PYCR1: variants seen among roughly 807,000 people sequenced by gnomAD.
PYCR1 encodes pyrroline-5-carboxylate reductase 1.
A neutral mutation model predicts 22.9 loss-of-function variants in PYCR1; 19 were observed. That is an observed-to-expected ratio of 0.83 (90% CI 0.58 to 1.22). The LOEUF is 1.22. Ranked by LOEUF, PYCR1 falls within the 50% of genes most tolerant of loss-of-function variation. The pLI is 0.00. For missense variants in PYCR1, 429 were observed against 431.3 expected (o/e 0.99, Z 0.05); for synonymous variants, 175 against 180.5 (o/e 0.97, Z 0.24).
rs2041032512 is a variant in PYCR1 at position 81,933,043 on chromosome 17, A to C, written c.*171T>G. ...CTGTTCTGGGCTGGGAAGCACTTGCAGACCACAGAGATTTCCAGTGGGAAG... is the reference window on the plus strand; with the variant it reads ...CTGTTCTGGGCTGGGAAGCACTTGCCGACCACAGAGATTTCCAGTGGGAAG... On this transcript the variant is annotated 3_prime_UTR_variant, in exon 7 of 7. Coordinates refer to ENST00000329875, the MANE Select transcript of PYCR1 (RefSeq NM_006907.4). The C allele has an allele frequency of 1.3e-6, 2 of 1,577,032 alleles. No individual in the cohort carries two copies. The highest frequency in any genetic ancestry group is 2.3e-5 in the South Asian group (2 of 87,666).
intron 6 of PYCR1, 46 bp from the exon 7 acceptor site, chr17:81,933,422 CAGGA>C (rs1308570820): frequency 6.2e-7 from 1 of 1,607,754 alleles, no homozygotes; most frequent in South Asian, 1.1e-5. Context: ...AGCGTGCACC[CAGGA>C]AGAGGGAGTG....
At chr17:81,934,559 G>T (rs1260462642) in intron 5 of PYCR1, 70 bp from the exon 6 acceptor site, 3 of 1,557,608 alleles carry the variant, frequency 1.9e-6, no homozygotes, top group Non-Finnish European at 2.6e-6. Context: ...CCCAGCCACT[G>T]TAGCACACAC....
At position 81,936,851 on chromosome 17, in the gene PYCR1, T is replaced by C. The variant is rs762470089; in HGVS notation, c.-37A>G. 3.1e-6 allele frequency: 5 copies of C among 1,591,272 alleles called. No homozygotes were observed. In the East Asian group the frequency reaches 1.1e-4, roughly 36 times the overall value. On this transcript the variant is annotated 5_prime_UTR_variant, in exon 1 of 7. Coordinates refer to ENST00000329875, the MANE Select transcript of PYCR1 (RefSeq NM_006907.4). ...ACCCCTGGCCCAAAGCCCCCACAGA[T>C]GGCACCGGCTCTGCGGGACGAGACC... is the stretch of plus-strand genomic sequence containing the variant.
Position 81,934,477 on chromosome 17 carries a change from T to A in PYCR1, c.646A>T (p.Met216Leu), listed in dbSNP as rs750551387. 1.9e-6 allele frequency: 3 copies of A among 1,605,286 alleles called. No individual in the cohort carries two copies. In the South Asian group the frequency reaches 3.4e-5, roughly 18 times the overall value. ...GGGTGCTGTTCTGAGTGCAGCAGCA[T>A]CTTGGCAGCCCCCTGCAGCCAGAAG... The part of the protein sequence containing the change: ...GAQALLGAAK[M>L]LLHSEQHPGQ... Residue 216 changes from methionine to leucine, a missense_variant, in exon 6 of 7, where the codon ATG (methionine) becomes TTG (leucine). By Grantham distance (15) the Met-to-Leu change is conservative. Transcript: ENST00000329875.
rs138398362 is a variant in PYCR1, at chr17:81,934,405, G to A, written c.718C>T (p.His240Tyr). 1 of 1,612,330 alleles carries A rather than the reference G, an allele frequency of 6.2e-7. No individual in the cohort carries two copies. The highest frequency in any genetic ancestry group is 8.5e-7 in the Non-Finnish European group (1 of 1,179,806). The change falls in exon 6 of 7, where the codon CAT becomes TAT. Residue 240 changes from histidine (H) to tyrosine (Y), a missense_variant. By Grantham distance (83) the His-to-Tyr change is moderately conservative (BLOSUM62 2). Coordinates refer to ENST00000329875, the MANE Select transcript of PYCR1 (RefSeq NM_006907.4). ...CCACTCTCCAGCACATGCAAGGCAT[G>A]GATGGTGGCCCCACCAGGAGAGCTG... ...NVSSPGGATI[H>Y]ALHVLESGGF...
In PYCR1 at chr17:81,933,023, C is replaced by G; in HGVS notation, c.*191G>C. On this transcript the variant is annotated 3_prime_UTR_variant, in exon 7 of 7. Coordinates refer to ENST00000329875, the MANE Select transcript of PYCR1 (RefSeq NM_006907.4). The stretch of plus-strand genomic sequence containing the variant: ...TGAGGTTGGGGAATCCACCCCTGTT[C>G]TGGGCTGGGAAGCACTTGCAGACCA... 3.2e-6 allele frequency: 5 copies of G among 1,583,614 alleles called. No homozygotes were observed. The highest frequency in any genetic ancestry group is 4.3e-6 in the Non-Finnish European group (5 of 1,167,674).
rs770539885 is a variant in PYCR1 at position 81,934,333 on chromosome 17, G to A, written c.790C>T (p.Arg264Cys). The A allele has an allele frequency of 2.6e-5, 42 of 1,612,708 alleles. No homozygotes were observed. The highest frequency in any genetic ancestry group is 2.0e-4 in the Admixed American group (12 of 59,952). ...GGCAGCGCGGGGGCCCACCGTGTGC[G>A]GATGCAGGAGGCCTCCACAGCGTTG... Reference protein sequence around the residue: ...LINAVEASCIRTRELQSMADQ... With the variant: ...LINAVEASCICTRELQSMADQ... The change falls in exon 6 of 7, where the codon CGC becomes TGC. Residue 264 changes from arginine to cysteine, a missense_variant. By Grantham distance (180) the Arg-to-Cys change is radical (BLOSUM62 -3). Coordinates refer to ENST00000329875, the MANE Select transcript of PYCR1 (RefSeq NM_006907.4).
Position 81,937,299 on chromosome 17 carries a change from A to G in PYCR1, c.-485T>C. 2 of 1,064,644 alleles carry G rather than the reference A, an allele frequency of 1.9e-6. No individual in the cohort carries two copies. Among genetic ancestry groups the G allele is most frequent in the South Asian group, 4.4e-5 (1 of 22,686 alleles). The allele number at this position is 1,064,644 out of a possible 1,614,324, so 65.9% of individuals were successfully genotyped here. ...CGGCCGCCACGCGGCACCCGCACCC[A>G]GGCCCCGCCCCCGTCGCGCCAGCGA... On this transcript the variant is annotated 5_prime_UTR_variant, in exon 1 of 7. Coordinates refer to ENST00000329875, the MANE Select transcript of PYCR1 (RefSeq NM_006907.4).
At position 81,935,057 on chromosome 17, in the gene PYCR1, T is replaced by C. The variant is rs1243324455; in HGVS notation, c.409A>G (p.Thr137Ala). 8 of 1,610,652 alleles carry C rather than the reference T, an allele frequency of 5.0e-6. No homozygotes were observed. The highest frequency in any genetic ancestry group is 6.8e-6 in the Non-Finnish European group (8 of 1,179,974). The change falls in exon 4 of 7, where the codon ACA becomes GCA. Residue 137 changes from threonine to alanine, a missense_variant. Coordinates refer to ENST00000329875, the MANE Select transcript of PYCR1 (RefSeq NM_006907.4). ...VVREGATVYA[T>A]GTHAQVEDGR... is the part of the protein sequence containing the mutation. ...TCCTCCACCTGGGCGTGCGTGCCTGTGGCATACACGGTGGCCCCCTCCCGC... is the reference window on the plus strand; with the variant it reads ...TCCTCCACCTGGGCGTGCGTGCCTGCGGCATACACGGTGGCCCCCTCCCGC...
At chr17:81,936,626 G>T in intron 1 of PYCR1, 122 bp downstream of exon 1, 2 of 1,084,708 alleles carry the variant, frequency 1.8e-6, no homozygotes, top group Non-Finnish European at 2.7e-6. Flanking sequence ...CACAGAAGTT[G>T]CCAGTTCCCG....
rs751510308 is a variant in PYCR1 at position 81,936,798 on chromosome 17, A to G, written c.17T>C (p.Ile6Thr). Residue 6 changes from isoleucine (I) to threonine (T), a missense_variant, in exon 1 of 7, where the codon ATC becomes ACC. Coordinates refer to ENST00000329875, the MANE Select transcript of PYCR1 (RefSeq NM_006907.4). Reference protein sequence around the residue: MSVGFIGAGQLAFALA... With the variant: MSVGFTGAGQLAFALA... ...GGCAAAAGCCAGCTGGCCAGCGCCGATGAAGCCCACGCTCATGCTGTCCGG... is the reference window on the plus strand; with the variant it reads ...GGCAAAAGCCAGCTGGCCAGCGCCGGTGAAGCCCACGCTCATGCTGTCCGG... The G allele has an allele frequency of 6.2e-7, 1 of 1,610,428 alleles. No individual in the cohort carries two copies. Among genetic ancestry groups the G allele is most frequent in the Non-Finnish European group, 8.5e-7 (1 of 1,179,176 alleles).
At chr17:81,934,876 G>A (rs748024607) in intron 4 of PYCR1, 50 bp downstream of exon 4, 64 of 1,594,522 alleles carry the variant, frequency 4.0e-5, no homozygotes, top group Admixed American at 5.1e-5. Context: ...AGATGTGCCC[G>A]GTGGTCCCGG....
At position 81,936,876 on chromosome 17, in the gene PYCR1, C is replaced by G. The variant is rs573221309; in HGVS notation, c.-62G>C. 5 of 1,565,790 alleles carry G rather than the reference C, an allele frequency of 3.2e-6. No individual in the cohort carries two copies. The highest frequency in any genetic ancestry group is 2.3e-5 in the East Asian group (1 of 42,780). ...TGGCACCGGCTCTGCGGGACGAGAC[C>G]GGCAGGATCGAGAGCAAGTTAGGGG... is the stretch of plus-strand genomic sequence containing the variant. On this transcript the variant is annotated 5_prime_UTR_variant, in exon 1 of 7. Transcript: ENST00000329875.
In PYCR1 at chr17:81,935,524, G is replaced by A. The variant is rs1250070581; in HGVS notation, c.139-8C>T. The A allele has an allele frequency of 7.5e-6, 12 of 1,601,792 alleles. No homozygotes were observed. Among genetic ancestry groups the A allele is most frequent in the East Asian group, 6.7e-5 (3 of 44,514 alleles). On this transcript the variant is annotated splice_region_variant and splice_polypyrimidine_tract_variant and intron_variant, in intron 2 of 6. Transcript: ENST00000329875. ...CAACTTCACCCCCATCTTCTGCAGG[G>A]GCAACAGGTGGGCTCAGCCTGGTCC...
chr17:81,932,992 G>A lies in PYCR1; in HGVS notation c.*222C>T, dbSNP rs1360617149. ...ACATGGTTTGGGAGCAGAGAAGAAA[G>A]GAGGTTGAGGTTGGGGAATCCACCC... is the stretch of plus-strand genomic sequence containing the variant. On this transcript the variant is annotated 3_prime_UTR_variant, in exon 7 of 7. Transcript: ENST00000329875. 6.2e-7 allele frequency: 1 copy of A among 1,602,052 alleles called. No individual in the cohort carries two copies. The highest frequency in any genetic ancestry group is 2.2e-5 in the East Asian group (1 of 44,512).
Position 81,933,320 on chromosome 17 carries a change from G to A in PYCR1, c.854C>T (p.Thr285Ile), listed in dbSNP as rs768639229. ...EQVSPAAIKK[T>I]ILDKVKLDSP... ...GTCCAGCTTCACCTTGTCCAGGATG[G>A]TCTTCTTGATGGCGGCTGGTGACAC... Residue 285 changes from threonine to isoleucine, a missense_variant, in exon 7 of 7, where the codon ACC (threonine) becomes ATC (isoleucine). Coordinates refer to ENST00000329875, the MANE Select transcript of PYCR1 (RefSeq NM_006907.4). The A allele has an allele frequency of 6.2e-7, 1 of 1,614,040 alleles. No homozygotes were observed. The highest frequency in any genetic ancestry group is 8.5e-7 in the Non-Finnish European group (1 of 1,180,004).
chr17:81,936,037 G>T (rs1567926805), intron 2 of PYCR1, 86 bp downstream of exon 2: 3 of 1,452,056 alleles, frequency 2.1e-6, no homozygotes, highest in South Asian at 2.3e-5. Context: ...GCCCTCACTG[G>T]GGTGGGGGCT....
At chr17:81,936,640 G>T in intron 1 of PYCR1, 108 bp downstream of exon 1, 1 of 1,236,936 alleles carries the variant, frequency 8.1e-7, no homozygotes, top group Admixed American at 2.0e-5. Context: ...GTTCCCGCAG[G>T]ACTCAGGCCT....
chr17:81,934,468 G>C lies in PYCR1; in HGVS notation c.655C>G (p.His219Asp), dbSNP rs767636677. ...AGCTGGCCTGGGTGCTGTTCTGAGT[G>C]CAGCAGCATCTTGGCAGCCCCCTGC... ...ALLGAAKMLL[H>D]SEQHPGQLKD... The change falls in exon 6 of 7, where the codon CAC becomes GAC. Residue 219 changes from histidine (H) to aspartate (D), a missense_variant. By Grantham distance (81) the His-to-Asp change is moderately conservative. Coordinates refer to ENST00000329875, the MANE Select transcript of PYCR1 (RefSeq NM_006907.4). 8 of 1,607,834 alleles carry C rather than the reference G, an allele frequency of 5.0e-6. No homozygotes were observed. In the African/African-American group the frequency reaches 1.1e-4, roughly 21 times the overall value.
Sources: gnomAD v4.1 joint callset for allele counts on GRCh38, gnomAD v4.1.1 for gene constraint, MANE v1.5 for transcripts, NCBI Gene and HGNC (gene_info 2026-07-23, HGNC 2026-07-21) for gene names.